RERE: variants seen among roughly 807,000 people sequenced by gnomAD.
RERE encodes the protein arginine-glutamic acid dipeptide repeats.
RERE carries 40 observed loss-of-function variants against 146.1 expected under a neutral mutation model. The observed-to-expected ratio is 0.27, with a 90% CI of 0.21 to 0.36. The LOEUF (loss-of-function observed/expected upper bound fraction) is 0.36. Ranked by LOEUF, RERE falls within the 10% of genes least tolerant of loss-of-function variation. RERE has a pLI of 1.00. For synonymous variants in RERE, 1,003 were observed against 866.0 expected (o/e 1.16, Z -2.78); for missense variants, 1,933 against 2,138.7 (o/e 0.90, Z 1.90).
chr1:8,731,207 C>T (rs1263960375), intron 1 of RERE, among the ~76,000 whole-genome samples: 1 of 152,086 alleles, frequency 6.6e-6, no homozygotes, highest in Admixed American at 6.6e-5. Flanking sequence ...TTCTGGAGGT[C>T]CAGACTTAAG....
chr1:8,439,563 A>G (rs767058671), intron 11 of RERE, among the ~76,000 whole-genome samples: 13 of 152,234 alleles, frequency 8.5e-5, no homozygotes, highest in Non-Finnish European at 1.3e-4. Flanking sequence ...AACATTCTCC[A>G]TTGTTTTGAA....
chr1:8,684,870 T>C (rs919561921), intron 1 of RERE, among the ~76,000 whole-genome samples: 3 of 152,174 alleles, frequency 2.0e-5, no homozygotes, highest in East Asian at 3.9e-4. Flanking sequence ...ATTCATTCCA[T>C]TCATTTGAGA....
intron 12 of RERE, 98 bp from the exon 13 acceptor site, chr1:8,366,072 T>A: frequency 8.0e-7 from 1 of 1,251,096 alleles, no homozygotes. Context: ...GTTTAACAGC[T>A]GTGCCAGAGA....
intron 6 of RERE, among the ~76,000 whole-genome samples, chr1:8,551,060 G>A (rs1645929042): frequency 6.6e-6 from 1 of 152,172 alleles, no homozygotes; most frequent in South Asian, 2.1e-4. Context: ...TCATCCTAAA[G>A]CATCTTCCTA....
chr1:8,355,724 C>A lies in RERE; in HGVS notation c.4487-125G>T, dbSNP rs574126717. On this transcript the variant is annotated intron_variant, in intron 21 of 22. Transcript: ENST00000400908. Reference sequence around the variant, plus strand: ...TGCCAGTTCGGACACAGGAGCCAGCCCCTCCCAGACTCTGCAGACAGCCAG... The same window carrying A: ...TGCCAGTTCGGACACAGGAGCCAGCACCTCCCAGACTCTGCAGACAGCCAG... The A allele has an allele frequency of 1.8e-3, 1,436 of 815,066 alleles. 3 individuals are homozygous for A. Among genetic ancestry groups the A allele is most frequent in the Admixed American group, 3.6e-3 (111 of 30,774 alleles). 50.5% of individuals were successfully genotyped at this position (815,066 alleles called of 1,614,324 possible).
chr1:8,744,646 C>T (rs917063099), intron 1 of RERE, among the ~76,000 whole-genome samples: 11 of 152,128 alleles, frequency 7.2e-5, no homozygotes, highest in African/African-American at 2.7e-4. Flanking sequence ...AAAGAGATGA[C>T]CTTCAAACTT....
At chr1:8,763,067 T>C (rs990122619) in intron 1 of RERE, among the ~76,000 whole-genome samples, 1 of 152,110 alleles carries the variant, frequency 6.6e-6, no homozygotes, top group African/African-American at 2.4e-5. Flanking sequence ...CTATCTGCAA[T>C]ATATAGCAGG....
chr1:8,758,995 A>G (rs1488198289), intron 1 of RERE, among the ~76,000 whole-genome samples: 1 of 152,180 alleles, frequency 6.6e-6, no homozygotes, highest in Admixed American at 6.5e-5. Context: ...TCTCACCTCA[A>G]CATTGAGGTA....
At chr1:8,641,292 A>G (rs1297302109) in intron 2 of RERE, among the ~76,000 whole-genome samples, 1 of 152,250 alleles carries the variant, frequency 6.6e-6, no homozygotes, top group South Asian at 2.1e-4. Flanking sequence ...CTGATAGAGT[A>G]TAACAGATTA....
intron 1 of RERE, among the ~76,000 whole-genome samples, chr1:8,667,521 C>T (rs573331778): frequency 1.3e-5 from 2 of 152,132 alleles, no homozygotes; most frequent in East Asian, 3.9e-4. Flanking sequence ...ACTAAAAATA[C>T]AAAAAATTAG....
At chr1:8,758,758 A>T (rs1640696820) in intron 1 of RERE, among the ~76,000 whole-genome samples, 1 of 152,114 alleles carries the variant, frequency 6.6e-6, no homozygotes, top group Non-Finnish European at 1.5e-5. Flanking sequence ...GAGGAGGAAT[A>T]AGTTCAAGAG....
intron 7 of RERE, among the ~76,000 whole-genome samples, chr1:8,518,985 T>G (rs951820204): frequency 3.3e-5 from 5 of 152,180 alleles, no homozygotes; most frequent in Admixed American, 6.5e-5. Flanking sequence ...TACTTCCTAT[T>G]AGGATCTCCC....
At chr1:8,583,857 C>T (rs1302546674) in intron 4 of RERE, among the ~76,000 whole-genome samples, 2 of 151,888 alleles carry the variant, frequency 1.3e-5, no homozygotes, top group Non-Finnish European at 2.9e-5. Context: ...ATTAAATTCG[C>T]ATAAAAACAA....
rs1641282648 is a variant in RERE at position 8,356,118 on chromosome 1, G to A, written c.4468C>T (p.Leu1490Phe). ...LGQPPHEHEM[L>F]RHPVFGTPYP... ...GTCTTACCGAAAACTGGGTGGCGAA[G>A]CATCTCGTGCTCGTGTGGGGGCTGT... The change falls in exon 21 of 23, where the codon CTT (leucine) becomes TTT (phenylalanine). Residue 1490 changes from leucine to phenylalanine, a missense_variant. Coordinates refer to ENST00000400908, the MANE Select transcript of RERE (RefSeq NM_001042681.2). The surrounding 1 kb of genome is among the most constrained non-coding windows in gnomAD (Gnocchi z 5.2). The A allele has an allele frequency of 1.3e-6, 2 of 1,505,772 alleles. No individual in the cohort carries two copies. The highest frequency in any genetic ancestry group is 2.6e-5 in the South Asian group (2 of 77,034). 93.3% of individuals were successfully genotyped at this position (1,505,772 alleles called of 1,614,324 possible).
At chr1:8,635,553 A>G in intron 2 of RERE, among the ~76,000 whole-genome samples, 1 of 152,204 alleles carries the variant, frequency 6.6e-6, no homozygotes, top group East Asian at 1.9e-4. Context: ...CCAATATAAC[A>G]CTTAATGAGA....
rs560473144 is a variant in RERE, at chr1:8,564,432, C to T, written c.523-6909G>A. Among the ~76,000 whole-genome samples the T allele has an allele frequency of 4.5e-4, 68 of 152,246 alleles. No homozygotes were observed. The Middle Eastern group carries it at 0.014, about 30-fold the overall frequency. Reference sequence around the variant, plus strand: ...TAAAACATTTTAATAATATATGCAGCCTGTCACAAAGGTCAGATGTGGAAT... The same window carrying T: ...TAAAACATTTTAATAATATATGCAGTCTGTCACAAAGGTCAGATGTGGAAT... On this transcript the variant is annotated intron_variant, in intron 4 of 22. Transcript: ENST00000400908.
Position 8,359,092 on chromosome 1 carries a change from C to T in RERE, c.3619-176G>A, listed in dbSNP as rs534238471. 2.0e-5 allele frequency among the ~76,000 whole-genome samples: 3 copies of T among 152,286 alleles called. No homozygotes were observed. In the East Asian group the frequency reaches 5.8e-4, roughly 30 times the overall value. The stretch of plus-strand genomic sequence containing the variant: ...ACACCAGGATGCAGTCCAGGCCCCA[C>T]AGGGTCGGGCTCACCTGTGCCCGCA... On this transcript the variant is annotated intron_variant, in intron 19 of 22. Coordinates refer to ENST00000400908, the MANE Select transcript of RERE (RefSeq NM_001042681.2).
chr1:8,603,938 CA>C (rs61119278), intron 4 of RERE, among the ~76,000 whole-genome samples: 19 of 124,908 alleles, frequency 1.5e-4, no homozygotes, highest in South Asian at 2.7e-4. Flanking sequence ...GACCCTGTCT[CA>C]AAAAAAAAAA....
chr1:8,367,606 AC>A (rs1208671413), intron 12 of RERE, among the ~76,000 whole-genome samples: 1 of 152,148 alleles, frequency 6.6e-6, no homozygotes, highest in Non-Finnish European at 1.5e-5. Context: ...CCATCTCGGG[AC>A]AAGCACACTC....
Sources: gnomAD v4.1 joint callset for allele counts (sites outside exome capture counted in the v4.1 genomes callset) on GRCh38, gnomAD v4.1.1 for gene constraint, Gnocchi (gnomAD v3.1) non-coding constraint, MANE v1.5 for transcripts, NCBI Gene and HGNC (gene_info 2026-07-23, HGNC 2026-07-21) for gene names.